MAML3: variants seen among roughly 807,000 people sequenced by gnomAD.
MAML3 encodes the protein mastermind-like protein 3.
In MAML3, 27 loss-of-function variants were observed where a neutral mutation model predicts 101.9. That is an observed-to-expected ratio of 0.27 (90% confidence interval 0.20 to 0.37). MAML3 has a LOEUF of 0.37. Ranked by LOEUF, MAML3 falls within the 10% of genes least tolerant of loss-of-function variation. The pLI is 1.00. For synonymous variants in MAML3, 501 were observed against 555.9 expected (o/e 0.90, Z 1.39); for missense variants, 1,316 against 1,444.9 (o/e 0.91, Z 1.45).
At chr4:139,791,292 T>C (rs896133630) in intron 2 of MAML3, among the ~76,000 whole-genome samples, 4 of 152,038 alleles carry the variant, frequency 2.6e-5, no homozygotes, top group African/African-American at 9.6e-5. Flanking sequence ...AGGTCAGGAG[T>C]TTGAGACCAG....
intron 1 of MAML3, among the ~76,000 whole-genome samples, chr4:140,103,075 A>G (rs6835817): frequency 0.24 from 36,514 of 152,112 alleles, 5,570 homozygotes; most frequent in East Asian, 0.5. Context: ...CGCCACTCTC[A>G]ATGGTGAGGA....
chr4:140,070,115 C>CAAAT (rs60471093), intron 1 of MAML3, among the ~76,000 whole-genome samples: 15,428 of 149,796 alleles, frequency 0.1, 2,223 homozygotes, highest in African/African-American at 0.33. Flanking sequence ...GACTCCATCT[C>CAAAT]AAATAAATAA....
chr4:140,133,882 T>C (rs1435410262), intron 1 of MAML3, among the ~76,000 whole-genome samples: 2 of 152,220 alleles, frequency 1.3e-5, no homozygotes, highest in Non-Finnish European at 2.9e-5. Flanking sequence ...TGTATACAGA[T>C]ATTTACAGAT....
intron 2 of MAML3, among the ~76,000 whole-genome samples, chr4:139,840,804 C>T (rs1377044666): frequency 6.6e-6 from 1 of 152,170 alleles, no homozygotes; most frequent in Non-Finnish European, 1.5e-5. Flanking sequence ...CCATGGTGGC[C>T]AGCGAGCCCT....
chr4:140,112,643 T>C (rs1274580450), intron 1 of MAML3, among the ~76,000 whole-genome samples: 2 of 152,186 alleles, frequency 1.3e-5, no homozygotes, highest in African/African-American at 2.4e-5. Context: ...TGCAAGATGG[T>C]GGCAACAAGG....
At chr4:140,067,636 TATAAC>T (rs1307498648) in intron 1 of MAML3, among the ~76,000 whole-genome samples, 1 of 152,034 alleles carries the variant, frequency 6.6e-6, no homozygotes, top group Non-Finnish European at 1.5e-5. Flanking sequence ...TGATAATAAA[TATAAC>T]ATAAGTCTGA....
At chr4:140,013,940 G>A (rs925652718) in intron 1 of MAML3, among the ~76,000 whole-genome samples, 2 of 152,200 alleles carry the variant, frequency 1.3e-5, no homozygotes, top group African/African-American at 2.4e-5. Flanking sequence ...ATAGGAATGC[G>A]GTGTGGATCC....
In MAML3 at chr4:140,153,645, A is replaced by C. The variant is rs1256814250; in HGVS notation, c.-318T>G. 8.9e-6 allele frequency: 3 copies of C among 338,050 alleles called. No homozygotes were observed. The highest frequency in any genetic ancestry group is 1.1e-5 in the Non-Finnish European group (2 of 188,150). 20.9% of individuals were successfully genotyped at this position (338,050 alleles called of 1,614,324 possible). Reference sequence around the variant, plus strand: ...GCAAATCGGGTTGCAACTCAAGGGGAGATCCGCTCCTTGCTTGCCTTCTTT... The same window carrying C: ...GCAAATCGGGTTGCAACTCAAGGGGCGATCCGCTCCTTGCTTGCCTTCTTT... On this transcript the variant is annotated 5_prime_UTR_variant, in exon 1 of 5. Transcript: ENST00000509479.
chr4:139,823,273 C>T (rs777181396), intron 2 of MAML3, among the ~76,000 whole-genome samples: 1 of 152,108 alleles, frequency 6.6e-6, no homozygotes, highest in Non-Finnish European at 1.5e-5. Context: ...AGAAAGAAAC[C>T]CAGAACTCCA....
At position 139,822,437 on chromosome 4, in the gene MAML3, A is replaced by G. The variant is rs1444161241; in HGVS notation, c.2079+66920T>C. ...TCAGGCCTCCTGAAATCCGCACTGT[A>G]CCCCTCTGGGCAACAGGTTTGGTAG... On this transcript the variant is annotated intron_variant, in intron 2 of 4. Transcript: ENST00000509479. 2.0e-5 allele frequency among the ~76,000 whole-genome samples: 3 copies of G among 152,078 alleles called. No homozygotes were observed. In the East Asian group the frequency reaches 5.8e-4, roughly 29 times the overall value.
chr4:139,895,220 C>T (rs148836009), intron 1 of MAML3, among the ~76,000 whole-genome samples: 1 of 152,218 alleles, frequency 6.6e-6, no homozygotes, highest in African/African-American at 2.4e-5. Flanking sequence ...AGTTAGAAAG[C>T]TTGAGTTCAA....
chr4:140,099,269 AAAC>A (rs564974879), intron 1 of MAML3, among the ~76,000 whole-genome samples: 2 of 152,034 alleles, frequency 1.3e-5, no homozygotes, highest in Admixed American at 1.3e-4. Context: ...ACGTGCACAC[AAAC>A]AACTCAGGAG....
chr4:139,882,382 T>C (rs1341806338), intron 2 of MAML3, among the ~76,000 whole-genome samples: 8 of 150,002 alleles, frequency 5.3e-5, no homozygotes, highest in African/African-American at 1.2e-4. Flanking sequence ...TGCAATAAGG[T>C]GTATCATCAT....
intron 2 of MAML3, among the ~76,000 whole-genome samples, chr4:139,784,258 C>T (rs573409652): frequency 6.6e-6 from 1 of 152,210 alleles, no homozygotes; most frequent in Non-Finnish European, 1.5e-5. Context: ...CTCCTCTTAT[C>T]GACACACAGA....
intron 1 of MAML3, among the ~76,000 whole-genome samples, chr4:140,001,717 G>A (rs936427168): frequency 3.3e-5 from 5 of 152,188 alleles, no homozygotes; most frequent in Non-Finnish European, 5.9e-5. Flanking sequence ...CCCAGGTACT[G>A]TAACTTGTTT....
At chr4:140,060,164 G>C (rs1233082649) in intron 1 of MAML3, among the ~76,000 whole-genome samples, 1 of 151,810 alleles carries the variant, frequency 6.6e-6, no homozygotes, top group Non-Finnish European at 1.5e-5. Context: ...TCAGGAGTTC[G>C]AGACAAGCCT....
At chr4:139,897,197 C>T (rs1578653206) in intron 1 of MAML3, among the ~76,000 whole-genome samples, 1 of 152,214 alleles carries the variant, frequency 6.6e-6, no homozygotes, top group East Asian at 1.9e-4. Flanking sequence ...ATGTCCAACT[C>T]TAGTAAACCA....
chr4:140,154,133 T>C lies in MAML3; in HGVS notation c.-806A>G. On this transcript the variant is annotated 5_prime_UTR_variant, in exon 1 of 5. Transcript: ENST00000509479. ...CGCCGCCGCCGCCGCCGCCGCCTCCTCCTCCTCCTCTCGCTCCTCCACCTC... is the reference window on the plus strand; with the variant it reads ...CGCCGCCGCCGCCGCCGCCGCCTCCCCCTCCTCCTCTCGCTCCTCCACCTC... The C allele has an allele frequency of 5.7e-6, 1 of 176,360 alleles. No homozygotes were observed. The highest frequency in any genetic ancestry group is 1.2e-5 in the Non-Finnish European group (1 of 83,750). The allele number at this position is 176,360 out of a possible 1,614,324, so 10.9% of individuals were successfully genotyped here. A position where few individuals can be genotyped will look rare whatever the true frequency, so the allele number is the denominator to read the frequency against.
chr4:140,085,612 C>G (rs572865991), intron 1 of MAML3, among the ~76,000 whole-genome samples: 99 of 152,302 alleles, frequency 6.5e-4, no homozygotes, highest in Middle Eastern at 3.4e-3. Flanking sequence ...GCAGCTGTTT[C>G]CAGAGCTGCT....
Sources: gnomAD v4.1 joint callset for allele counts (sites outside exome capture counted in the v4.1 genomes callset) on GRCh38, gnomAD v4.1.1 for gene constraint, MANE v1.5 for transcripts, NCBI Gene and HGNC (gene_info 2026-07-23, HGNC 2026-07-21) for gene names.